Variants in SLC51A observed in about 807,000 individuals in gnomAD.
SLC51A encodes the protein solute carrier family 51 member A.
SLC51A carries 22 observed loss-of-function variants against 34.8 expected under a neutral mutation model. The ratio of observed to expected loss-of-function variants is 0.63; its 90% CI spans 0.45 to 0.90. The LOEUF is 0.90. Ranked by LOEUF, SLC51A falls within the 40% of genes least tolerant of loss-of-function variation. The pLI is 0.00. For synonymous variants in SLC51A, 181 were observed against 176.3 expected, an observed-to-expected ratio of 1.03 and a Z score of -0.21; for missense variants, 371 against 414.8, an observed-to-expected ratio of 0.89 and a Z score of 0.92.
intron 3 of SLC51A, 188 bp downstream of exon 3, chr3:196,227,307 G>C: frequency 3.2e-6 from 2 of 633,090 alleles, no homozygotes; most frequent in Non-Finnish European, 5.5e-6. Flanking sequence ...TGCAGTGTTT[G>C]CATTCTAAGG....
In SLC51A at chr3:196,228,102, C is replaced by T; in HGVS notation, c.363-13C>T. On this transcript the variant is annotated splice_polypyrimidine_tract_variant and intron_variant, in intron 4 of 8. Coordinates refer to ENST00000296327, the MANE Select transcript of SLC51A (RefSeq NM_152672.6). This position sits in a 1 kb window ranked among gnomAD's most constrained non-coding sequence, Gnocchi z 4.9. Reference sequence around the variant, plus strand: ...CAGCAGACCTCGTAGGCCCTCTTCTCTCCCCACCCCAGGTTTTATGCCGTG... The same window carrying T: ...CAGCAGACCTCGTAGGCCCTCTTCTTTCCCCACCCCAGGTTTTATGCCGTG... The T allele has an allele frequency of 2.5e-6, 4 of 1,609,826 alleles. No individual in the cohort carries two copies. The highest frequency in any genetic ancestry group is 3.4e-6 in the Non-Finnish European group (4 of 1,177,582).
At chr3:196,231,097 G>A (rs571877241) in intron 7 of SLC51A, among the ~76,000 whole-genome samples, 2 of 152,222 alleles carry the variant, frequency 1.3e-5, no homozygotes, top group South Asian at 2.1e-4. Context: ...ACCATGTGCC[G>A]GGCACTTTCA....
rs78736929 is a variant in SLC51A, at chr3:196,228,332, T to C, written c.521+59T>C. The C allele has an allele frequency of 0.073, 113,473 of 1,558,486 alleles. 4,866 individuals are homozygous for C. Among genetic ancestry groups the C allele is most frequent in the African/African-American group, 0.18 (13,023 of 73,716 alleles). On this transcript the variant is annotated intron_variant, in intron 5 of 8. Coordinates refer to ENST00000296327, the MANE Select transcript of SLC51A (RefSeq NM_152672.6). This position sits in a 1 kb window ranked among gnomAD's most constrained non-coding sequence, Gnocchi z 4.9. ...CGGGGAGCCTCTCCTGGACCCCTGG[T>C]CCCCTTCAAGGCTCTGGGAATTAGG... is the stretch of plus-strand genomic sequence containing the variant.
At chr3:196,226,936 C>G in intron 2 of SLC51A, 29 bp from the exon 3 acceptor site, 1 of 1,592,050 alleles carries the variant, frequency 6.3e-7, no homozygotes. Flanking sequence ...CAGTCCCGGT[C>G]GTCAGCTCTC....
intron 2 of SLC51A, among the ~76,000 whole-genome samples, chr3:196,221,171 C>A (rs1030289915): frequency 4.6e-5 from 7 of 151,826 alleles, no homozygotes; most frequent in African/African-American, 1.7e-4. Flanking sequence ...GCCCATGCTG[C>A]AACCCCAGGA....
At chr3:196,220,168 G>C (rs924520013) in intron 2 of SLC51A, among the ~76,000 whole-genome samples, 2 of 152,266 alleles carry the variant, frequency 1.3e-5, no homozygotes, top group Non-Finnish European at 2.9e-5. Context: ...GCGCCGGGCT[G>C]GCGGAGGAGC....
At chr3:196,217,041 C>T (rs936492351) in intron 1 of SLC51A, among the ~76,000 whole-genome samples, 3 of 152,188 alleles carry the variant, frequency 2.0e-5, no homozygotes, top group Admixed American at 6.5e-5. Context: ...GCAGGGGGCC[C>T]GTCCGTCTGT....
In SLC51A at chr3:196,232,513, C is replaced by T; in HGVS notation, c.875C>T (p.Thr292Ile). The change falls in exon 8 of 9, where the codon ACC (threonine) becomes ATC (isoleucine). Residue 292 changes from threonine (T) to isoleucine (I), a missense_variant. Coordinates refer to ENST00000296327, the MANE Select transcript of SLC51A (RefSeq NM_152672.6). ...IACSPPYSSK[T>I]RSQVMNCHLL... is the part of the protein sequence containing the mutation. ...TGTTCGCCTCCCTATTCCTCTAAAACCAGGTCTCAAGGTGAGCACGTTAAG... is the reference window on the plus strand; with the variant it reads ...TGTTCGCCTCCCTATTCCTCTAAAATCAGGTCTCAAGGTGAGCACGTTAAG... 1 of 1,613,596 alleles carries T rather than the reference C, an allele frequency of 6.2e-7. No homozygotes were observed. The highest frequency in any genetic ancestry group is 8.5e-7 in the Non-Finnish European group (1 of 1,179,472).
chr3:196,227,788 C>T (rs766970522), intron 4 of SLC51A, 51 bp downstream of exon 4: 2 of 1,528,144 alleles, frequency 1.3e-6, no homozygotes, highest in Non-Finnish European at 1.8e-6. Flanking sequence ...CTCCCGCTCA[C>T]CAGGACTCGA....
chr3:196,227,209 G>T (rs2108755850), intron 3 of SLC51A, 90 bp downstream of exon 3: 11 of 1,433,102 alleles, frequency 7.7e-6, no homozygotes, highest in Admixed American at 3.9e-5. Context: ...CGTCACTTCG[G>T]CAAAGAGTGT....
In SLC51A at chr3:196,229,822, T is replaced by C. The variant is rs572576105; in HGVS notation, c.634-93T>C. The C allele has an allele frequency of 2.4e-5, 35 of 1,447,492 alleles. No homozygotes were observed. In the East Asian group the frequency reaches 8.2e-4, roughly 34 times the overall value. The allele number at this position is 1,447,492 out of a possible 1,614,324, so 89.7% of individuals were successfully genotyped here. On this transcript the variant is annotated intron_variant, in intron 6 of 8. Transcript: ENST00000296327. ...GAGCTATCATTGCACCTCTGCACTT[T>C]CAGCTGGGTGACAGAGTGACACCAT...
Position 196,226,975 on chromosome 3 carries a change from T to C in SLC51A, c.144T>C (p.Pro48=). ...CTTCTCCTCCTCTAGCCCTGGGCCC[T>C]GTGGAACTTGCCCTCACTAGCATCC... ...TAAQLLRALG[P]VELALTSILT... The change falls in exon 3 of 9, where the codon CCT becomes CCC. Residue 48 remains proline, a synonymous_variant. Transcript: ENST00000296327. 6.2e-7 allele frequency: 1 copy of C among 1,613,252 alleles called. No individual in the cohort carries two copies. Among genetic ancestry groups the C allele is most frequent in the South Asian group, 1.1e-5 (1 of 90,996 alleles).
At chr3:196,224,110 C>T (rs111386747) in intron 2 of SLC51A, 2,305 of 219,866 alleles carry the variant, frequency 0.01, 69 homozygotes, top group African/African-American at 0.051. Context: ...CCACCCGCCT[C>T]GGCCTCCCAA....
intron 1 of SLC51A, among the ~76,000 whole-genome samples, chr3:196,217,405 C>T (rs1204536592): frequency 6.6e-6 from 1 of 152,068 alleles, no homozygotes; most frequent in East Asian, 1.9e-4. Flanking sequence ...GGCCTGGTGG[C>T]GTGCACCTGT....
At chr3:196,218,560 T>C (rs1409064680) in intron 2 of SLC51A, among the ~76,000 whole-genome samples, 2 of 152,318 alleles carry the variant, frequency 1.3e-5, no homozygotes, top group Non-Finnish European at 1.5e-5. Context: ...AGTAATTTGT[T>C]TGCAATAATA....
At position 196,227,028 on chromosome 3, in the gene SLC51A, C is replaced by T. The variant is rs1723914268; in HGVS notation, c.197C>T (p.Ala66Val). Residue 66 changes from alanine to valine, a missense_variant, in exon 3 of 9, where the codon GCC becomes GTC. Ala to Val is a moderately conservative substitution (Grantham distance 64, BLOSUM62 0). Coordinates refer to ENST00000296327, the MANE Select transcript of SLC51A (RefSeq NM_152672.6). ...ACCTTGCTGGCGCTGGGCTCCATTG[C>T]CATCTTCCTGGAGGATGCCGTCTAC... ...ILTLLALGSI[A>V]IFLEDAVYLY... 2 of 1,613,962 alleles carry T rather than the reference C, an allele frequency of 1.2e-6. No homozygotes were observed. The highest frequency in any genetic ancestry group is 1.3e-5 in the African/African-American group (1 of 74,884).
At chr3:196,232,928 C>T in intron 8 of SLC51A, 135 bp from the exon 9 acceptor site, 3 of 901,524 alleles carry the variant, frequency 3.3e-6, no homozygotes, top group Non-Finnish European at 5.2e-6. Flanking sequence ...TTATTTATGA[C>T]AATTTCGTAT....
intron 2 of SLC51A, among the ~76,000 whole-genome samples, chr3:196,219,035 G>C (rs1173714174): frequency 6.6e-6 from 1 of 152,130 alleles, no homozygotes; most frequent in African/African-American, 2.4e-5. Flanking sequence ...AGACCAGCCT[G>C]GCCAACATGG....
chr3:196,224,108 C>T (rs1723835613), intron 2 of SLC51A: 2 of 222,578 alleles, frequency 9.0e-6, no homozygotes, highest in Non-Finnish European at 9.1e-6. Flanking sequence ...ATCCACCCGC[C>T]TCGGCCTCCC....
Sources: allele counts gnomAD v4.1 joint callset (sites outside exome capture counted in the v4.1 genomes callset), GRCh38; gene constraint gnomAD v4.1.1; non-coding constraint Gnocchi (gnomAD v3.1); transcripts MANE v1.5; gene names NCBI Gene and HGNC (gene_info 2026-07-23, HGNC 2026-07-21).